CTPS2: variants seen among roughly 807,000 people sequenced by gnomAD.
CTPS2 encodes the protein CTP synthase II.
Under a neutral mutation model 46.8 loss-of-function variants are expected in CTPS2, and 19 were observed. The observed-to-expected ratio is 0.41, with a 90% CI of 0.28 to 0.60. The LOEUF is 0.60. Among genes scored for constraint, CTPS2 ranks in the 20% least tolerant of loss-of-function variants. CTPS2 has a pLI of 0.35. For synonymous variants in CTPS2, 151 were observed against 165.2 expected (o/e 0.91, Z 0.66); for missense variants, 286 against 447.6 (o/e 0.64, Z 3.26).
intron 14 of CTPS2, among the ~76,000 whole-genome samples, chrX:16,631,561 T>C (rs190980602): frequency 2.6e-4 from 29 of 111,661 alleles, no homozygotes; most frequent in African/African-American, 6.8e-4. Flanking sequence ...CTAGCATTCC[T>C]ACTAAATTCA....
intron 14 of CTPS2, among the ~76,000 whole-genome samples, chrX:16,622,677 A>C (rs887255529): frequency 9.0e-5 from 10 of 111,519 alleles, no homozygotes; most frequent in African/African-American, 3.3e-4. Context: ...AGTCAAGGGG[A>C]CTAGCAGGAT....
chrX:16,694,357 T>G (rs1209267714), intron 4 of CTPS2, among the ~76,000 whole-genome samples: 1 of 110,448 alleles, frequency 9.1e-6, no homozygotes, highest in Non-Finnish European at 1.9e-5. Flanking sequence ...CAGCAACCTC[T>G]TTATCCTCCA....
chrX:16,698,011 C>T (rs11798449), intron 4 of CTPS2, among the ~76,000 whole-genome samples: 58,564 of 109,420 alleles, frequency 0.54, 12,643 homozygotes, highest in African/African-American at 0.8. Context: ...GATCACTGCA[C>T]GTCCACCCAG....
chrX:16,609,177 A>C (rs1930138609), intron 17 of CTPS2, among the ~76,000 whole-genome samples: 1 of 111,790 alleles, frequency 8.9e-6, no homozygotes, highest in Non-Finnish European at 1.9e-5. Context: ...ATCAGTAAGG[A>C]AAATAATACA....
intron 13 of CTPS2, among the ~76,000 whole-genome samples, chrX:16,661,278 G>C (rs2032957328): frequency 8.9e-6 from 1 of 112,181 alleles, no homozygotes; most frequent in Admixed American, 9.5e-5. Flanking sequence ...TATTCCTAAT[G>C]ACTACTTTTA....
At chrX:16,639,786 AAAG>A (rs755902141) in intron 13 of CTPS2, among the ~76,000 whole-genome samples, 1 of 81,470 alleles carries the variant, frequency 1.2e-5, no homozygotes, top group African/African-American at 5.3e-5. Context: ...GAAAAGAAAG[AAAG>A]AAAGAAAGAA....
At position 16,670,563 on chromosome X, in the gene CTPS2, A is replaced by G. The variant is rs759193713; in HGVS notation, c.1189+17T>C. The G allele has an allele frequency of 1.8e-5, 21 of 1,162,669 alleles. No homozygotes were observed. The highest frequency in any genetic ancestry group is 1.4e-4 in the Admixed American group (6 of 43,751). ...TCTAATAAACTCATAGTTAGGGTCAATAAACATGAGTTTTACCCAGAAAAG... is the reference window on the plus strand; with the variant it reads ...TCTAATAAACTCATAGTTAGGGTCAGTAAACATGAGTTTTACCCAGAAAAG... On this transcript the variant is annotated intron_variant, in intron 11 of 18. Coordinates refer to ENST00000359276, the MANE Select transcript of CTPS2 (RefSeq NM_175859.3).
intron 10 of CTPS2, among the ~76,000 whole-genome samples, chrX:16,677,706 A>G (rs1194384648): frequency 1.8e-5 from 2 of 111,906 alleles, no homozygotes; most frequent in Admixed American, 9.5e-5. Flanking sequence ...GTTGCAGTAA[A>G]GAAGCCAGCT....
intron 13 of CTPS2, among the ~76,000 whole-genome samples, chrX:16,656,967 T>G (rs1932835730): frequency 9.0e-6 from 1 of 111,375 alleles, no homozygotes; most frequent in African/African-American, 3.3e-5. Flanking sequence ...CACTGCAGTC[T>G]TGACCTCCTG....
At chrX:16,668,752 AGAAGGAAGGAAGGAAGGAAAG>A (rs1438830891) in intron 11 of CTPS2, among the ~76,000 whole-genome samples, 1 of 84,874 alleles carries the variant, frequency 1.2e-5, no homozygotes, top group Admixed American at 1.3e-4. Flanking sequence ...AAAGAAAGAA[AGAAGGAAGGAAGGAAGGAAAG>A]GAAGGAAGGA....
Position 16,605,251 on chromosome X carries a change from T to C in CTPS2, c.1691+4290A>G, listed in dbSNP as rs1436947004. Among the ~76,000 whole-genome samples, 4 of 111,783 alleles carry C rather than the reference T, an allele frequency of 3.6e-5. No individual in the cohort carries two copies. In the East Asian group the frequency reaches 1.1e-3, roughly 31 times the overall value. The stretch of plus-strand genomic sequence containing the variant: ...ACTCTGAGCCTCAAACTGGCTCATC[T>C]GGGCAGAAACATCACATAGGCATAG... On this transcript the variant is annotated intron_variant, in intron 17 of 18. Transcript: ENST00000359276.
At chrX:16,635,286 C>T (rs1347304549) in intron 14 of CTPS2, among the ~76,000 whole-genome samples, 2 of 111,267 alleles carry the variant, frequency 1.8e-5, no homozygotes, top group Non-Finnish European at 3.8e-5. Flanking sequence ...TGGGGGAATC[C>T]TACAAAAGAA....
intron 10 of CTPS2, among the ~76,000 whole-genome samples, chrX:16,672,360 C>T (rs1024350088): frequency 2.7e-5 from 3 of 111,365 alleles, no homozygotes; most frequent in Non-Finnish European, 3.8e-5. Context: ...GCAATGGGTG[C>T]GTCTTTCTCT....
chrX:16,668,713 G>A (rs1409283579), intron 11 of CTPS2, among the ~76,000 whole-genome samples: 2 of 94,142 alleles, frequency 2.1e-5, no homozygotes, highest in Non-Finnish European at 4.3e-5. Context: ...AAAGGAAGGG[G>A]AGGGAAGGGA....
chrX:16,682,279 G>A (rs753061082), intron 9 of CTPS2, among the ~76,000 whole-genome samples: 1 of 112,022 alleles, frequency 8.9e-6, no homozygotes, highest in Non-Finnish European at 1.9e-5. Flanking sequence ...GAGATCAGGA[G>A]TTCGAGACCA....
intron 10 of CTPS2, among the ~76,000 whole-genome samples, chrX:16,673,241 G>A (rs1342938302): frequency 5.4e-5 from 6 of 111,343 alleles, no homozygotes; most frequent in Non-Finnish European, 9.4e-5. Context: ...TTTCTGTATT[G>A]TTCTGTCATA....
Position 16,598,280 on chromosome X carries a change from G to C in CTPS2, c.1692-7418C>G, listed in dbSNP as rs1602113212. ...TAATGAATCCAGGAGCTGGTTTTTTGAAAGGATCAACAAAATTGATAGACC... is the reference window on the plus strand; with the variant it reads ...TAATGAATCCAGGAGCTGGTTTTTTCAAAGGATCAACAAAATTGATAGACC... On this transcript the variant is annotated intron_variant, in intron 17 of 18. Transcript: ENST00000359276. Among the ~76,000 whole-genome samples the C allele has an allele frequency of 2.7e-5, 3 of 111,113 alleles. 1 individual carries two copies. The South Asian group carries it at 1.1e-3, about 42-fold the overall frequency.
intron 8 of CTPS2, among the ~76,000 whole-genome samples, chrX:16,686,497 T>A (rs1340435387): frequency 8.9e-6 from 1 of 111,979 alleles, no homozygotes; most frequent in African/African-American, 3.2e-5. Context: ...AGTAAGGCTC[T>A]CCAGCTGAGA....
intron 2 of CTPS2, among the ~76,000 whole-genome samples, chrX:16,701,104 A>G (rs1443542988): frequency 8.9e-6 from 1 of 112,256 alleles, no homozygotes; most frequent in African/African-American, 3.2e-5. Context: ...ATGGTGGGTA[A>G]CATTTTGAAG....
Sources: gnomAD v4.1 joint callset for allele counts (sites outside exome capture counted in the v4.1 genomes callset) on GRCh38, gnomAD v4.1.1 for gene constraint, MANE v1.5 for transcripts, NCBI Gene and HGNC (gene_info 2026-07-23, HGNC 2026-07-21) for gene names.